FNDC1: variants seen among roughly 807,000 people sequenced by gnomAD.
FNDC1 encodes fibronectin type III domain containing 1, also known as fibronectin type III domain-containing protein 1.
FNDC1 carries 96 observed loss-of-function variants against 168.0 expected under a neutral mutation model. That is an observed-to-expected ratio of 0.57 (90% CI 0.48 to 0.68). FNDC1 has a LOEUF of 0.68. Among genes scored for constraint, FNDC1 ranks in the 30% least tolerant of loss-of-function variants. FNDC1 has a pLI of 0.00. For synonymous variants in FNDC1, 1,099 were observed against 1,025.9 expected, an observed-to-expected ratio of 1.07 and a Z score of -1.36; for missense variants, 2,587 against 2,482.1, an observed-to-expected ratio of 1.04 and a Z score of -0.90.
chr6:159,205,826 A>C (rs1165750182), intron 4 of FNDC1, among the ~76,000 whole-genome samples: 1 of 152,118 alleles, frequency 6.6e-6, no homozygotes, highest in African/African-American at 2.4e-5. Flanking sequence ...TTTTTACCCT[A>C]CTTTGAATGT....
Position 159,267,795 on chromosome 6 carries a change from T to C in FNDC1, c.5447-9T>C. 6.2e-7 allele frequency: 1 copy of C among 1,613,664 alleles called. No individual in the cohort carries two copies. The highest frequency in any genetic ancestry group is 8.5e-7 in the Non-Finnish European group (1 of 1,179,752). Reference sequence around the variant, plus strand: ...CCTAGTCATGGACTCAATCAATTCCTTCATGCAGATACATTCTACAGCATT... The same window carrying C: ...CCTAGTCATGGACTCAATCAATTCCCTCATGCAGATACATTCTACAGCATT... On this transcript the variant is annotated splice_polypyrimidine_tract_variant and intron_variant, in intron 21 of 22. Transcript: ENST00000297267.
In FNDC1 at chr6:159,231,816, T is replaced by A. The variant is rs1783087968; in HGVS notation, c.1370-66T>A. Reference sequence around the variant, plus strand: ...CCTCCATATGCTGTTTTAAATACTGTGTCTCACCTCCGCTTTCGCTTTTGA... The same window carrying A: ...CCTCCATATGCTGTTTTAAATACTGAGTCTCACCTCCGCTTTCGCTTTTGA... On this transcript the variant is annotated intron_variant, in intron 10 of 22. Transcript: ENST00000297267. 5 of 1,367,336 alleles carry A rather than the reference T, an allele frequency of 3.7e-6. No individual in the cohort carries two copies. In the Admixed American group the frequency reaches 1.3e-4, roughly 35 times the overall value. The allele number at this position is 1,367,336 out of a possible 1,614,324, so 84.7% of individuals were successfully genotyped here.
chr6:159,251,673 A>G, intron 17 of FNDC1, 141 bp downstream of exon 17: 1 of 719,076 alleles, frequency 1.4e-6, no homozygotes, highest in Non-Finnish European at 2.4e-6. Context: ...TGATGGATAG[A>G]TGTCTTCCTT....
chr6:159,269,502 C>CTAA (rs1562316098), intron 22 of FNDC1, among the ~76,000 whole-genome samples: 20 of 92,440 alleles, frequency 2.2e-4, no homozygotes, highest in African/African-American at 6.8e-4. Context: ...ATCTATCTAT[C>CTAA]CATCCATCCA....
Position 159,233,793 on chromosome 6 carries a change from C to G in FNDC1, c.3281C>G (p.Pro1094Arg). Residue 1094 changes from proline to arginine, a missense_variant, in exon 11 of 23, where the codon CCC (proline) becomes CGC (arginine). Physicochemically the swap from Pro to Arg is moderately radical, Grantham distance 103. Coordinates refer to ENST00000297267, the MANE Select transcript of FNDC1 (RefSeq NM_032532.3). The surrounding 1 kb of genome is among the most constrained non-coding windows in gnomAD (Gnocchi z 4.6). ...GTCGAGGCCCAGGATGTGCGGGCCCCCGCGCACGCCGCGCGCGCCAAGGAG... is the reference window on the plus strand; with the variant it reads ...GTCGAGGCCCAGGATGTGCGGGCCCGCGCGCACGCCGCGCGCGCCAAGGAG... ...TEVEAQDVRAPAHAARAKEAA... is the reference protein window; with the variant it reads ...TEVEAQDVRARAHAARAKEAA... 1 of 1,537,848 alleles carries G rather than the reference C, an allele frequency of 6.5e-7. No individual in the cohort carries two copies. The highest frequency in any genetic ancestry group is 8.8e-7 in the Non-Finnish European group (1 of 1,141,282).
In FNDC1 at chr6:159,169,641, G is replaced by C; in HGVS notation, c.45G>C (p.Leu15=). Residue 15 remains leucine (L), a synonymous_variant, in exon 1 of 23, where the codon CTG becomes CTC. Coordinates refer to ENST00000297267, the MANE Select transcript of FNDC1 (RefSeq NM_032532.3). This position sits in a 1 kb window ranked among gnomAD's most constrained non-coding sequence, Gnocchi z 6.8. ...AGATLRAPRR[L]SWAALLLLAA... The stretch of plus-strand genomic sequence containing the variant: ...CGACCCTGCGCGCGCCGCGCCGGCT[G>C]TCCTGGGCGGCGCTGCTGCTCTTGG... The C allele has an allele frequency of 8.7e-7, 1 of 1,154,638 alleles. No individual in the cohort carries two copies. Among genetic ancestry groups the C allele is most frequent in the Non-Finnish European group, 1.1e-6 (1 of 939,472 alleles). 71.5% of individuals were successfully genotyped at this position (1,154,638 alleles called of 1,614,324 possible). A position where few individuals can be genotyped will look rare whatever the true frequency, so the allele number is the denominator to read the frequency against.
chr6:159,256,880 G>A (rs1458611081), intron 18 of FNDC1, among the ~76,000 whole-genome samples: 1 of 152,192 alleles, frequency 6.6e-6, no homozygotes, highest in African/African-American at 2.4e-5. Context: ...AACACTACCT[G>A]CCATTAGGGA....
rs893816491 is a variant in FNDC1 at position 159,239,782 on chromosome 6, G to A, written c.4446G>A (p.Thr1482=). 8.9e-6 allele frequency: 13 copies of A among 1,458,428 alleles called. No homozygotes were observed. In the African/African-American group the frequency reaches 2.3e-4, roughly 26 times the overall value. The allele number at this position is 1,458,428 out of a possible 1,614,324, so 90.3% of individuals were successfully genotyped here. Residue 1482 remains threonine (T), a synonymous_variant, in exon 14 of 23, where the codon ACG becomes ACA. Coordinates refer to ENST00000297267, the MANE Select transcript of FNDC1 (RefSeq NM_032532.3). ...GCCGCACGACCACCACCCGCCGCAC[G>A]ACCACCAGGCGTCCAACAACCACAG... The part of the protein sequence containing the change: ...TTRRTTTTRR[T]TTRRPTTTVR...
intron 1 of FNDC1, among the ~76,000 whole-genome samples, chr6:159,184,755 A>T (rs1254384196): frequency 6.6e-6 from 1 of 152,210 alleles, no homozygotes; most frequent in Non-Finnish European, 1.5e-5. Flanking sequence ...TTGGTCTGGC[A>T]TGCCAAGCAG....
intron 4 of FNDC1, among the ~76,000 whole-genome samples, chr6:159,208,647 A>T (rs949807872): frequency 2.6e-5 from 4 of 152,158 alleles, no homozygotes; most frequent in Non-Finnish European, 5.9e-5. Flanking sequence ...TCAATACCAA[A>T]GTCAGCTACT....
intron 1 of FNDC1, among the ~76,000 whole-genome samples, chr6:159,191,625 TA>T (rs1213361169): frequency 2.0e-5 from 3 of 152,222 alleles, no homozygotes; most frequent in African/African-American, 7.2e-5. Flanking sequence ...ATCACAGAAT[TA>T]AAAAATGTAA....
At chr6:159,254,089 A>G (rs537044177) in intron 17 of FNDC1, among the ~76,000 whole-genome samples, 1 of 152,370 alleles carries the variant, frequency 6.6e-6, no homozygotes, top group Admixed American at 6.5e-5. Flanking sequence ...TTCCAGGCCC[A>G]GCTTGCCCAT....
In FNDC1 at chr6:159,197,238, G is replaced by C. The variant is rs116056229; in HGVS notation, c.110-193G>C. Reference sequence around the variant, plus strand: ...CTACGGTTATCCAAAATACACGAAGGCCTGTGGGTTTGGTATATTTGTTTT... The same window carrying C: ...CTACGGTTATCCAAAATACACGAAGCCCTGTGGGTTTGGTATATTTGTTTT... On this transcript the variant is annotated intron_variant, in intron 1 of 22. Coordinates refer to ENST00000297267, the MANE Select transcript of FNDC1 (RefSeq NM_032532.3). 1.1e-4 allele frequency among the ~76,000 whole-genome samples: 16 copies of C among 152,270 alleles called. 1 individual carries two copies. The Middle Eastern group carries it at 0.014, about 129-fold the overall frequency.
rs150558357 is a variant in FNDC1, at chr6:159,236,918, G to A, written c.4068+603G>A. Among the ~76,000 whole-genome samples, 553 of 152,312 alleles carry A rather than the reference G, an allele frequency of 3.6e-3. 3 individuals are homozygous for A. Among genetic ancestry groups the A allele is most frequent in the Non-Finnish European group, 3.8e-3 (256 of 68,028 alleles). On this transcript the variant is annotated intron_variant, in intron 12 of 22. Transcript: ENST00000297267. ...TAAGATAAATGTTTAGGAGGTTTTG[G>A]TGGGTTGAGGGTAACAGAACACTTT... is the stretch of plus-strand genomic sequence containing the variant.
intron 4 of FNDC1, among the ~76,000 whole-genome samples, chr6:159,203,044 C>G (rs559788873): frequency 6.6e-6 from 1 of 152,284 alleles, no homozygotes; most frequent in African/African-American, 2.4e-5. Flanking sequence ...CCTTGAATGG[C>G]CTTTCTTTGT....
chr6:159,238,715 G>T (rs1189068421), intron 13 of FNDC1, 50 bp downstream of exon 13: 20 of 1,211,206 alleles, frequency 1.7e-5, no homozygotes, highest in Admixed American at 2.3e-5. Context: ...ATTAGCCATA[G>T]AATTACAGCT....
intron 1 of FNDC1, among the ~76,000 whole-genome samples, chr6:159,190,482 G>A (rs1252852969): frequency 6.6e-6 from 1 of 152,204 alleles, no homozygotes. Flanking sequence ...GGGAATTCAT[G>A]GGGTGAGGTC....
intron 4 of FNDC1, among the ~76,000 whole-genome samples, chr6:159,211,523 T>G (rs1220262322): frequency 3.3e-5 from 5 of 152,248 alleles, no homozygotes; most frequent in Non-Finnish European, 5.9e-5. Context: ...AAAGGGTCCT[T>G]GGCAATAAGC....
chr6:159,208,635 GATCAATACCAA>G (rs1265347589), intron 4 of FNDC1, among the ~76,000 whole-genome samples: 1 of 152,086 alleles, frequency 6.6e-6, no homozygotes, highest in Non-Finnish European at 1.5e-5. Context: ...ACTCCACTAG[GATCAATACCAA>G]AGTCAGCTAC....
Sources: allele counts gnomAD v4.1 joint callset (sites outside exome capture counted in the v4.1 genomes callset), GRCh38; gene constraint gnomAD v4.1.1; non-coding constraint Gnocchi (gnomAD v3.1); transcripts MANE v1.5; gene names NCBI Gene and HGNC (gene_info 2026-07-23, HGNC 2026-07-21).